The following GAL3ST2 variants were observed in gnomAD, a reference collection of about 807,000 sequenced individuals.
The protein encoded by GAL3ST2 is beta-galactose-3-O-sulfotransferase 2.
A neutral mutation model predicts 12.9 loss-of-function variants in GAL3ST2; 16 were observed. The observed-to-expected ratio is 1.24, with a 90% CI of 0.84 to 1.88. The LOEUF is 1.88. GAL3ST2 is among the 40% of genes most tolerant of loss of function. The pLI, the probability that GAL3ST2 is intolerant of heterozygous loss-of-function variation, is 0.00. For missense variants in GAL3ST2, 639 were observed against 571.8 expected (o/e 1.12, Z -1.20); for synonymous variants, 302 against 273.9 (o/e 1.10, Z -1.01).
At chr2:241,786,241 G>A (rs1699626836) in intron 1 of GAL3ST2, among the ~76,000 whole-genome samples, 2 of 151,676 alleles carry the variant, frequency 1.3e-5, no homozygotes. Context: ...ATTTGATAAA[G>A]TTGGATAGAG....
At chr2:241,791,919 T>C (rs935462885) in intron 1 of GAL3ST2, among the ~76,000 whole-genome samples, 11 of 152,184 alleles carry the variant, frequency 7.2e-5, no homozygotes, top group African/African-American at 2.7e-4. Flanking sequence ...AATTCTGATT[T>C]TCCTTGGCTA....
intron 1 of GAL3ST2, among the ~76,000 whole-genome samples, chr2:241,778,933 T>C (rs569459830): frequency 6.6e-6 from 1 of 152,258 alleles, no homozygotes; most frequent in East Asian, 1.9e-4. Context: ...GGCAGTCAGA[T>C]ACGCATTTAT....
intron 1 of GAL3ST2, among the ~76,000 whole-genome samples, 177 bp downstream of exon 1, chr2:241,777,161 GC>G (rs1313738411): frequency 6.6e-6 from 1 of 152,236 alleles, no homozygotes; most frequent in Non-Finnish European, 1.5e-5. Flanking sequence ...GAAGTAGGGG[GC>G]CCCTCCTGCC....
chr2:241,796,479 T>C (rs1699773341), intron 1 of GAL3ST2, among the ~76,000 whole-genome samples: 1 of 148,858 alleles, frequency 6.7e-6, no homozygotes, highest in African/African-American at 2.5e-5. Context: ...CTGATGGTCG[T>C]CACGTATCAG....
At chr2:241,779,822 C>T (rs1575360501) in intron 1 of GAL3ST2, among the ~76,000 whole-genome samples, 2 of 151,704 alleles carry the variant, frequency 1.3e-5, no homozygotes, top group South Asian at 4.2e-4. Context: ...CCCGTCTCTA[C>T]TAAAAAATAC....
Position 241,800,893 on chromosome 2 carries a change from T to A in GAL3ST2, c.120-888T>A, listed in dbSNP as rs1393408584. 1.3e-5 allele frequency: 2 copies of A among 152,238 alleles called. No individual in the cohort carries two copies. Among genetic ancestry groups the A allele is most frequent in the Non-Finnish European group, 2.9e-5 (2 of 68,044 alleles). The allele number at this position is 152,238 out of a possible 1,614,324, so 9.4% of individuals were successfully genotyped here. The stretch of plus-strand genomic sequence containing the variant: ...ATGGCCTCAGGTCCCGTTGATAATG[T>A]AGCGTCTTATGGCCACAGTCAGTTC... On this transcript the variant is annotated intron_variant, in intron 2 of 3. Transcript: ENST00000192314. This position sits in a 1 kb window ranked among gnomAD's most constrained non-coding sequence, Gnocchi z 5.2.
chr2:241,796,557 A>G (rs1324116327), intron 1 of GAL3ST2, among the ~76,000 whole-genome samples: 1 of 152,184 alleles, frequency 6.6e-6, no homozygotes, highest in Non-Finnish European at 1.5e-5. Flanking sequence ...TGCAGAAGAC[A>G]GATTTGTTTC....
rs79642304 is a variant in GAL3ST2, at chr2:241,787,543, T to C, written c.29+10559T>C. Among the ~76,000 whole-genome samples the C allele has an allele frequency of 1.1e-4, 13 of 117,018 alleles. No individual in the cohort carries two copies. The South Asian group carries it at 1.1e-3, about 10-fold the overall frequency. 76.8% of individuals were successfully genotyped at this position (117,018 alleles called of 152,430 possible). A position where few individuals can be genotyped will look rare whatever the true frequency, so the allele number is the denominator to read the frequency against. Reference sequence around the variant, plus strand: ...TTTTGCTGTACAACTTCTCCTCCTTTTTTTTTTTTTTTTTGGAGTTTTACT... The same window carrying C: ...TTTTGCTGTACAACTTCTCCTCCTTCTTTTTTTTTTTTTTGGAGTTTTACT... On this transcript the variant is annotated intron_variant, in intron 1 of 3. Transcript: ENST00000192314.
chr2:241,787,794 G>A (rs1214690499), intron 1 of GAL3ST2, among the ~76,000 whole-genome samples: 2 of 152,080 alleles, frequency 1.3e-5, no homozygotes, highest in African/African-American at 2.4e-5. Context: ...TCTCCTTTCC[G>A]TCAGAGTGCT....
At position 241,804,002 on chromosome 2, in the gene GAL3ST2, G is replaced by C. The variant is rs553579270; in HGVS notation, c.1033G>C (p.Gly345Arg). 14 of 1,564,972 alleles carry C rather than the reference G, an allele frequency of 8.9e-6. No individual in the cohort carries two copies. Among genetic ancestry groups the C allele is most frequent in the East Asian group, 5.0e-5 (2 of 39,942 alleles). Reference protein sequence around the residue: ...RDPRLRPYQSGKADILGYNLR... With the variant: ...RDPRLRPYQSRKADILGYNLR... Reference sequence around the variant, plus strand: ...CCCGCGCCTGCGCCCCTACCAGTCCGGCAAGGCCGACATCCTGGGTTACAA... The same window carrying C: ...CCCGCGCCTGCGCCCCTACCAGTCCCGCAAGGCCGACATCCTGGGTTACAA... The change falls in exon 4 of 4, where the codon GGC (glycine) becomes CGC (arginine). Residue 345 changes from glycine (G) to arginine (R), a missense_variant. Gly to Arg is a moderately radical substitution (Grantham distance 125, BLOSUM62 -2). Transcript: ENST00000192314.
rs1288303752 is a variant in GAL3ST2 at position 241,795,773 on chromosome 2, C to T, written c.30-3292C>T. On this transcript the variant is annotated intron_variant, in intron 1 of 3. Coordinates refer to ENST00000192314, the MANE Select transcript of GAL3ST2 (RefSeq NM_022134.3). The surrounding 1 kb of genome is among the most constrained non-coding windows in gnomAD (Gnocchi z 4.5). ...CTCACGAAGACGTGGGTGTCTCCAG[C>T]GGGACCCTGATCCCGCGTGGGGCGC... Among the ~76,000 whole-genome samples, 3 of 152,264 alleles carry T rather than the reference C, an allele frequency of 2.0e-5. No individual in the cohort carries two copies. The highest frequency in any genetic ancestry group is 4.8e-5 in the African/African-American group (2 of 41,482).
Position 241,803,959 on chromosome 2 carries a change from C to T in GAL3ST2, c.990C>T (p.Asn330=). The T allele has an allele frequency of 6.6e-7, 1 of 1,510,586 alleles. No homozygotes were observed. The highest frequency in any genetic ancestry group is 8.8e-7 in the Non-Finnish European group (1 of 1,132,966). The allele number at this position is 1,510,586 out of a possible 1,614,324, so 93.6% of individuals were successfully genotyped here. Residue 330 remains asparagine (N), a synonymous_variant, in exon 4 of 4, where the codon AAC becomes AAT. Transcript: ENST00000192314. ...LCLQDGGALK[N]HTQIRDPRLR... ...TGCAGGACGGCGGCGCGCTCAAGAA[C>T]CACACGCAGATCAGAGACCCGCGCC...
At chr2:241,785,686 C>A (rs547951087) in intron 1 of GAL3ST2, among the ~76,000 whole-genome samples, 18 of 151,796 alleles carry the variant, frequency 1.2e-4, no homozygotes, top group Non-Finnish European at 2.5e-4. Context: ...TATTTTAGGT[C>A]TCTCGTGCAG....
chr2:241,794,506 A>G (rs1399795983), intron 1 of GAL3ST2, among the ~76,000 whole-genome samples: 1 of 152,160 alleles, frequency 6.6e-6, no homozygotes, highest in East Asian at 1.9e-4. Context: ...GGGCTGGTGC[A>G]CTGTGGCCCC....
At chr2:241,777,426 G>C (rs1699501918) in intron 1 of GAL3ST2, among the ~76,000 whole-genome samples, 1 of 152,194 alleles carries the variant, frequency 6.6e-6, no homozygotes, top group African/African-American at 2.4e-5. Context: ...CCGGGGCTCT[G>C]GGTGGTGACG....
chr2:241,802,181 G>A lies in GAL3ST2; in HGVS notation c.375+145G>A, dbSNP rs193078806. ...AAGGCGGGTTGGGAGGGCCTGGGCC[G>A]CACGCCCTGCTGAGCCAACCCCTGC... is the stretch of plus-strand genomic sequence containing the variant. On this transcript the variant is annotated intron_variant, in intron 3 of 3. Transcript: ENST00000192314. This position sits in a 1 kb window ranked among gnomAD's most constrained non-coding sequence, Gnocchi z 4.8. 208 of 1,078,754 alleles carry A rather than the reference G, an allele frequency of 1.9e-4. No homozygotes were observed. Among genetic ancestry groups the A allele is most frequent in the Non-Finnish European group, 2.2e-4 (170 of 770,494 alleles). The allele number at this position is 1,078,754 out of a possible 1,614,324, so 66.8% of individuals were successfully genotyped here.
chr2:241,780,126 C>G (rs1219758068), intron 1 of GAL3ST2, among the ~76,000 whole-genome samples: 2 of 151,864 alleles, frequency 1.3e-5, no homozygotes, highest in Non-Finnish European at 2.9e-5. Context: ...GACTTGTAGC[C>G]AAGAAAAATT....
At position 241,803,369 on chromosome 2, in the gene GAL3ST2, A is replaced by AC; in HGVS notation, c.402dup (p.Phe135LeufsTer239). 1 of 1,604,158 alleles carries AC rather than the reference A, an allele frequency of 6.2e-7. No individual in the cohort carries two copies. The highest frequency in any genetic ancestry group is 8.5e-7 in the Non-Finnish European group (1 of 1,172,890). ...GGTGCAGAAAGTCATGCCCAACGAC[A>AC]CCTTCTACTTCTCCATCCTGAGGAA... is the stretch of plus-strand genomic sequence containing the variant. On this transcript the variant is annotated frameshift_variant, in exon 4 of 4. Coordinates refer to ENST00000192314, the MANE Select transcript of GAL3ST2 (RefSeq NM_022134.3). LOFTEE classifies it low-confidence loss of function (END_TRUNC).
chr2:241,796,643 T>C (rs1055520516), intron 1 of GAL3ST2, among the ~76,000 whole-genome samples: 8 of 152,156 alleles, frequency 5.3e-5, no homozygotes, highest in Admixed American at 6.5e-5. Flanking sequence ...GTTCTCTCCC[T>C]GATGGCCGGG....
Sources: allele counts gnomAD v4.1 joint callset (sites outside exome capture counted in the v4.1 genomes callset), GRCh38; gene constraint gnomAD v4.1.1; non-coding constraint Gnocchi (gnomAD v3.1); transcripts MANE v1.5; gene names NCBI Gene and HGNC (gene_info 2026-07-23, HGNC 2026-07-21).